FAM171B: variants seen among roughly 807,000 people sequenced by gnomAD.
FAM171B encodes the protein protein FAM171B.
FAM171B carries 19 observed loss-of-function variants against 75.6 expected under a neutral mutation model. That is an observed-to-expected ratio of 0.25 (90% CI 0.18 to 0.37). The LOEUF (loss-of-function observed/expected upper bound fraction) is 0.37, where lower values mean the gene tolerates loss of function less well. FAM171B is among the 10% of genes least tolerant of loss of function. The pLI, the probability that FAM171B is intolerant of heterozygous loss-of-function variation, is 1.00. For missense variants in FAM171B, 848 were observed against 982.4 expected (o/e 0.86, Z 1.83); for synonymous variants, 367 against 361.7 (o/e 1.01, Z -0.17).
intron 1 of FAM171B, among the ~76,000 whole-genome samples, chr2:186,696,472 C>A (rs1007394640): frequency 2.7e-4 from 26 of 98,102 alleles, no homozygotes; most frequent in Admixed American, 1.3e-3. Context: ...AAAAAAAAAA[C>A]ATTAAATAGG....
At chr2:186,698,796 C>T (rs903398607) in intron 1 of FAM171B, among the ~76,000 whole-genome samples, 4 of 152,184 alleles carry the variant, frequency 2.6e-5, no homozygotes, top group Admixed American at 2.6e-4. Context: ...CAATACCCTT[C>T]CCAGACTCTG....
At chr2:186,746,435 AT>A (rs1472432626) in intron 3 of FAM171B, among the ~76,000 whole-genome samples, 1 of 152,190 alleles carries the variant, frequency 6.6e-6, no homozygotes, top group Non-Finnish European at 1.5e-5. Context: ...CAAAATAAGC[AT>A]TTATTTATTT....
rs139449443 is a variant in FAM171B at position 186,740,422 on chromosome 2, G to C, written c.433G>C (p.Val145Leu). Residue 145 changes from valine to leucine, a missense_variant, in exon 2 of 8, where the codon GTG (valine) becomes CTG (leucine). Around this residue, in one of 3 missense-constraint regions of FAM171B, gnomAD observed 665 missense variants for 729.0 expected, o/e 0.91. Coordinates refer to ENST00000304698, the MANE Select transcript of FAM171B (RefSeq NM_177454.4). ...TATTATTGCTTACAAAGATGGCTAC[G>C]TGTTGACCCCTCTGCCTTGGAAAAC... ...LTIIAYKDGY[V>L]LTPLPWKTRR... The C allele has an allele frequency of 1.2e-6, 2 of 1,613,638 alleles. No individual in the cohort carries two copies. The highest frequency in any genetic ancestry group is 1.7e-6 in the Non-Finnish European group (2 of 1,179,764).
At chr2:186,737,655 T>C (rs1207784876) in intron 1 of FAM171B, among the ~76,000 whole-genome samples, 1 of 152,216 alleles carries the variant, frequency 6.6e-6, no homozygotes, top group Non-Finnish European at 1.5e-5. Context: ...TTTTCTTATA[T>C]ACCTAATGGA....
At chr2:186,747,404 TAAA>T (rs1251732346) in intron 4 of FAM171B, among the ~76,000 whole-genome samples, 154 bp downstream of exon 4, 1 of 152,048 alleles carries the variant, frequency 6.6e-6, no homozygotes, top group Non-Finnish European at 1.5e-5. Flanking sequence ...ATGTATATAA[TAAA>T]AAATTCCCTT....
At chr2:186,746,670 G>A (rs1449091) in intron 3 of FAM171B, among the ~76,000 whole-genome samples, 141,288 of 152,274 alleles carry the variant, frequency 0.93, 66,168 homozygotes, top group Non-Finnish European at 1. Flanking sequence ...AACACACATT[G>A]TATCTCATTA....
chr2:186,713,488 A>T (rs924881913), intron 1 of FAM171B, among the ~76,000 whole-genome samples: 3 of 152,260 alleles, frequency 2.0e-5, no homozygotes, highest in Non-Finnish European at 4.4e-5. Flanking sequence ...GATTACTTTT[A>T]GTAAATTAAA....
Position 186,762,134 on chromosome 2 carries a change from C to A in FAM171B, c.1792C>A (p.Pro598Thr). 6.2e-7 allele frequency: 1 copy of A among 1,613,670 alleles called. No homozygotes were observed. The highest frequency in any genetic ancestry group is 8.5e-7 in the Non-Finnish European group (1 of 1,179,780). The change falls in exon 8 of 8, where the codon CCA becomes ACA. Residue 598 changes from proline to threonine, a missense_variant. Coordinates refer to ENST00000304698, the MANE Select transcript of FAM171B (RefSeq NM_177454.4). The surrounding 1 kb of genome is among the most constrained non-coding windows in gnomAD (Gnocchi z 4.0). Reference protein sequence around the residue: ...KMPIHSHAQPPDAREEDIILE... With the variant: ...KMPIHSHAQPTDAREEDIILE... ...GCCAATTCATTCTCATGCACAGCCC[C>A]CAGATGCCAGGGAAGAGGATATCAT...
intron 1 of FAM171B, among the ~76,000 whole-genome samples, chr2:186,709,333 T>G (rs1204594954): frequency 6.6e-6 from 1 of 152,174 alleles, no homozygotes; most frequent in Non-Finnish European, 1.5e-5. Flanking sequence ...TTCCTATTTT[T>G]AGGGCTTATC....
At chr2:186,737,878 C>G (rs1690227339) in intron 1 of FAM171B, among the ~76,000 whole-genome samples, 1 of 152,216 alleles carries the variant, frequency 6.6e-6, no homozygotes, top group Admixed American at 6.5e-5. Context: ...GCTTTGACAA[C>G]CAGAAATCTC....
intron 4 of FAM171B, among the ~76,000 whole-genome samples, chr2:186,750,632 C>T (rs1690438103): frequency 6.6e-6 from 1 of 152,082 alleles, no homozygotes; most frequent in Admixed American, 6.6e-5. Context: ...AACTTTTAAT[C>T]TGAATGCTTT....
chr2:186,758,055 G>A (rs919186950), intron 6 of FAM171B, among the ~76,000 whole-genome samples: 1 of 152,132 alleles, frequency 6.6e-6, no homozygotes, highest in Non-Finnish European at 1.5e-5. Flanking sequence ...GTGAAATCAT[G>A]GCCAATATTA....
chr2:186,696,264 G>T (rs180859986), intron 1 of FAM171B, among the ~76,000 whole-genome samples: 1 of 151,962 alleles, frequency 6.6e-6, no homozygotes, highest in East Asian at 1.9e-4. Context: ...CAAGCCAGTG[G>T]CAAACAAGGG....
At chr2:186,708,085 G>A (rs544049823) in intron 1 of FAM171B, among the ~76,000 whole-genome samples, 5 of 151,922 alleles carry the variant, frequency 3.3e-5, no homozygotes, top group African/African-American at 4.8e-5. Context: ...TGAAGGTCTC[G>A]GTATAGATAA....
chr2:186,745,847 C>T (rs1282872489), intron 3 of FAM171B, among the ~76,000 whole-genome samples: 1 of 152,182 alleles, frequency 6.6e-6, no homozygotes, highest in Non-Finnish European at 1.5e-5. Context: ...TAGGTAGTAC[C>T]TGTGAGTGAT....
chr2:186,717,858 CG>C (rs1479431960), intron 1 of FAM171B, among the ~76,000 whole-genome samples: 1 of 152,122 alleles, frequency 6.6e-6, no homozygotes, highest in Admixed American at 6.6e-5. Context: ...TAATGACATA[CG>C]GATTTGTCTG....
intron 5 of FAM171B, among the ~76,000 whole-genome samples, chr2:186,751,851 G>A (rs1454790231): frequency 6.6e-6 from 1 of 152,070 alleles, no homozygotes; most frequent in African/African-American, 2.4e-5. Context: ...ATGTAAATAA[G>A]GTAGGAGTGT....
At position 186,764,049 on chromosome 2, in the gene FAM171B, T is replaced by G. The variant is rs539199194; in HGVS notation, c.*1226T>G. 6.6e-6 allele frequency: 1 copy of G among 152,204 alleles called. No individual in the cohort carries two copies. Among genetic ancestry groups the G allele is most frequent in the African/African-American group, 2.4e-5 (1 of 41,574 alleles). 9.4% of individuals were successfully genotyped at this position (152,204 alleles called of 1,614,324 possible). A position where few individuals can be genotyped will look rare whatever the true frequency, so the allele number is the denominator to read the frequency against. ...ATAGCAAGCATTCAATGTGAACAAC[T>G]TTTTAATTAACTCTGAATTACCATT... On this transcript the variant is annotated 3_prime_UTR_variant, in exon 8 of 8. Transcript: ENST00000304698.
In FAM171B at chr2:186,694,083, G is replaced by A. The variant is rs1011437366; in HGVS notation, c.-91G>A. On this transcript the variant is annotated 5_prime_UTR_variant, in exon 1 of 8. Coordinates refer to ENST00000304698, the MANE Select transcript of FAM171B (RefSeq NM_177454.4). ...TGGCAGATTGCGCGAGGGGGAGCGA[G>A]CGAGCGGGCGCTGCCAGGAGCCCGC... The A allele has an allele frequency of 2.9e-6, 4 of 1,376,974 alleles. No homozygotes were observed. The Admixed American group carries it at 1.5e-4, about 50-fold the overall frequency. The allele number at this position is 1,376,974 out of a possible 1,614,324, so 85.3% of individuals were successfully genotyped here.
Sources: allele counts gnomAD v4.1 joint callset (sites outside exome capture counted in the v4.1 genomes callset), GRCh38; gene constraint gnomAD v4.1.1; regional missense constraint gnomAD v4.1.1; non-coding constraint Gnocchi (gnomAD v3.1); transcripts MANE v1.5; gene names NCBI Gene and HGNC (gene_info 2026-07-23, HGNC 2026-07-21).